XYLT1: variants seen among roughly 807,000 people sequenced by gnomAD.
The protein encoded by XYLT1 is beta-D-xylosyltransferase 1.
In XYLT1, 36 loss-of-function variants were observed where a neutral mutation model predicts 91.3. The ratio of observed to expected loss-of-function variants is 0.39; its 90% CI spans 0.30 to 0.52. The LOEUF is 0.52. Ranked by LOEUF, XYLT1 falls within the 20% of genes least tolerant of loss-of-function variation. The pLI is 0.68. For missense variants in XYLT1, 1,242 were observed against 1,284.5 expected, an observed-to-expected ratio of 0.97 and a Z score of 0.51; for synonymous variants, 588 against 532.0, an observed-to-expected ratio of 1.11 and a Z score of -1.45.
intron 2 of XYLT1, among the ~76,000 whole-genome samples, chr16:17,336,557 C>T (rs749376397): frequency 1.3e-5 from 2 of 152,124 alleles, no homozygotes; most frequent in Non-Finnish European, 1.5e-5. Context: ...GATGCGTGTA[C>T]AGATGCAGGT....
intron 3 of XYLT1, among the ~76,000 whole-genome samples, chr16:17,218,795 G>A (rs138149720): frequency 3.3e-5 from 5 of 152,062 alleles, no homozygotes; most frequent in African/African-American, 7.3e-5. Context: ...GATCCTCCAC[G>A]GGCACAGCCT....
In XYLT1 at chr16:17,185,993, A is replaced by G. The variant is rs1360789929; in HGVS notation, c.1289+12219T>C. ...GCCTGGGTGACAGAGTGAAGACTCTATCTCAAATATCTCAAATATATATAT... is the reference window on the plus strand; with the variant it reads ...GCCTGGGTGACAGAGTGAAGACTCTGTCTCAAATATCTCAAATATATATAT... On this transcript the variant is annotated intron_variant, in intron 5 of 11. Coordinates refer to ENST00000261381, the MANE Select transcript of XYLT1 (RefSeq NM_022166.4). Among the ~76,000 whole-genome samples the G allele has an allele frequency of 2.0e-5, 3 of 152,316 alleles. No individual in the cohort carries two copies. In the South Asian group the frequency reaches 6.2e-4, roughly 32 times the overall value.
chr16:17,276,969 C>T (rs1028685264), intron 2 of XYLT1, among the ~76,000 whole-genome samples: 1 of 152,220 alleles, frequency 6.6e-6, no homozygotes, highest in East Asian at 1.9e-4. Context: ...CGGTTACCCA[C>T]ATCATTTCAT....
chr16:17,109,122 C>T (rs966434051), intron 11 of XYLT1, 105 bp from the exon 12 acceptor site: 2 of 1,120,568 alleles, frequency 1.8e-6, no homozygotes, highest in Non-Finnish European at 1.2e-6. Context: ...TGCATCGCCT[C>T]ATTTAATTCA....
intron 1 of XYLT1, among the ~76,000 whole-genome samples, chr16:17,369,130 C>CTTT (rs36042244): frequency 8.8e-5 from 11 of 124,884 alleles, no homozygotes; most frequent in African/African-American, 2.7e-4. Context: ...AAAAATACTT[C>CTTT]TTTTTTTTTT....
At chr16:17,262,965 C>T (rs186215489) in intron 2 of XYLT1, among the ~76,000 whole-genome samples, 55 of 152,236 alleles carry the variant, frequency 3.6e-4, no homozygotes, top group Non-Finnish European at 6.0e-4. Context: ...CATCTATTGA[C>T]GACTCCCATG....
chr16:17,373,817 C>G (rs1174156088), intron 1 of XYLT1, among the ~76,000 whole-genome samples: 1 of 152,198 alleles, frequency 6.6e-6, no homozygotes, highest in African/African-American at 2.4e-5. Context: ...GAGAACACTG[C>G]TCGTGAACAC....
At chr16:17,366,773 G>T (rs1417359602) in intron 1 of XYLT1, among the ~76,000 whole-genome samples, 1 of 152,162 alleles carries the variant, frequency 6.6e-6, no homozygotes, top group Non-Finnish European at 1.5e-5. Context: ...TTTACAGATG[G>T]TGTAATTGAG....
chr16:17,111,198 G>A (rs1159269405), intron 11 of XYLT1, among the ~76,000 whole-genome samples: 1 of 152,038 alleles, frequency 6.6e-6, no homozygotes, highest in Admixed American at 6.6e-5. Flanking sequence ...AGGCATAAAT[G>A]GGTTAAACAG....
chr16:17,218,903 T>C (rs1460432354), intron 3 of XYLT1, among the ~76,000 whole-genome samples: 1 of 149,224 alleles, frequency 6.7e-6, no homozygotes, highest in Non-Finnish European at 1.5e-5. Flanking sequence ...GTGAGTGTGC[T>C]ATACCCTGGG....
chr16:17,207,054 T>TTC lies in XYLT1; in HGVS notation c.914-6401_914-6400insGA, dbSNP rs200694450. 1.7e-3 allele frequency among the ~76,000 whole-genome samples: 200 copies of TTC among 119,060 alleles called. 1 individual carries two copies. Among genetic ancestry groups the TTC allele is most frequent in the African/African-American group, 3.8e-3 (106 of 27,584 alleles). 78.1% of individuals were successfully genotyped at this position (119,060 alleles called of 152,430 possible). ...GTCAGGTTGGTTTTCTTTTCTTTCT[T>TTC]TTTTTTTTTTTTTTTTTTTTGAGAC... is the stretch of plus-strand genomic sequence containing the variant. On this transcript the variant is annotated intron_variant, in intron 3 of 11. Coordinates refer to ENST00000261381, the MANE Select transcript of XYLT1 (RefSeq NM_022166.4).
chr16:17,332,309 C>G (rs2034909638), intron 2 of XYLT1, among the ~76,000 whole-genome samples: 2 of 152,174 alleles, frequency 1.3e-5, no homozygotes, highest in Admixed American at 1.3e-4. Flanking sequence ...TGCCTATAAT[C>G]CCAGCACTTT....
intron 1 of XYLT1, among the ~76,000 whole-genome samples, chr16:17,443,820 A>G (rs188100619): frequency 1.3e-5 from 2 of 152,156 alleles, no homozygotes; most frequent in African/African-American, 2.4e-5. Context: ...CTTTGTCATC[A>G]TATCTAGACT....
rs754666646 is a variant in XYLT1, at chr16:17,158,826, T to C, written c.1370+3A>G. ...TGTACAGGGGTAGGGGTTGAGGTGC[T>C]ACCTTGCATTGTCCCGGCCGTGTGA... On this transcript the variant is annotated splice_donor_region_variant and intron_variant, in intron 6 of 11. Transcript: ENST00000261381. The C allele has an allele frequency of 5.0e-6, 8 of 1,614,030 alleles. 1 individual carries two copies. The South Asian group carries it at 7.7e-5, about 16-fold the overall frequency.
intron 2 of XYLT1, among the ~76,000 whole-genome samples, chr16:17,281,519 G>A (rs2034058467): frequency 6.6e-6 from 1 of 152,118 alleles, no homozygotes; most frequent in African/African-American, 2.4e-5. Context: ...AAAAAATGAT[G>A]GTCATGATTC....
At chr16:17,322,735 C>T (rs1384295236) in intron 2 of XYLT1, among the ~76,000 whole-genome samples, 3 of 152,322 alleles carry the variant, frequency 2.0e-5, no homozygotes, top group Non-Finnish European at 4.4e-5. Flanking sequence ...GAGTTATCTC[C>T]GTTAAACTCT....
intron 2 of XYLT1, among the ~76,000 whole-genome samples, chr16:17,334,826 T>G (rs1322187909): frequency 6.6e-6 from 1 of 151,948 alleles, no homozygotes; most frequent in African/African-American, 2.4e-5. Context: ...GAGCTTGCAG[T>G]GAGCTGAGAT....
At chr16:17,232,184 A>G (rs1219419891) in intron 3 of XYLT1, among the ~76,000 whole-genome samples, 1 of 144,084 alleles carries the variant, frequency 6.9e-6, no homozygotes, top group Non-Finnish European at 1.5e-5. Flanking sequence ...TACAATATAT[A>G]CTATATATAA....
chr16:17,213,016 G>T (rs1248526263), intron 3 of XYLT1, among the ~76,000 whole-genome samples: 4 of 152,212 alleles, frequency 2.6e-5, no homozygotes, highest in African/African-American at 2.4e-5. Context: ...TAACAGACTT[G>T]ATATGGTTTG....
Sources: allele counts gnomAD v4.1 joint callset (sites outside exome capture counted in the v4.1 genomes callset), GRCh38; gene constraint gnomAD v4.1.1; transcripts MANE v1.5; gene names NCBI Gene and HGNC (gene_info 2026-07-23, HGNC 2026-07-21).